GPC5: variants seen among roughly 807,000 people sequenced by gnomAD.
The protein encoded by GPC5 is glypican-5.
A neutral mutation model predicts 53.9 loss-of-function variants in GPC5; 47 were observed. The observed-to-expected ratio is 0.87, with a 90% confidence interval of 0.69 to 1.11. GPC5 has a LOEUF of 1.11. Ranked by LOEUF, GPC5 falls within the 50% of genes most tolerant of loss-of-function variation. The pLI, the probability that GPC5 is intolerant of heterozygous loss-of-function variation, is 0.00. For missense variants in GPC5, 748 were observed against 713.1 expected (o/e 1.05, Z -0.56); for synonymous variants, 286 against 263.3 (o/e 1.09, Z -0.84).
At chr13:92,023,293 G>C (rs967954114) in intron 6 of GPC5, among the ~76,000 whole-genome samples, 9 of 151,916 alleles carry the variant, frequency 5.9e-5, no homozygotes, top group African/African-American at 2.2e-4. Flanking sequence ...AAATCAAACA[G>C]AAGTTAAGCA....
intron 6 of GPC5, among the ~76,000 whole-genome samples, chr13:91,918,715 C>G (rs1252859123): frequency 6.6e-6 from 1 of 152,156 alleles, no homozygotes; most frequent in Non-Finnish European, 1.5e-5. Context: ...GCTTGTTTAA[C>G]AGCACTTATC....
intron 7 of GPC5, among the ~76,000 whole-genome samples, chr13:92,807,124 A>G (rs1877125906): frequency 6.6e-6 from 1 of 151,616 alleles, no homozygotes; most frequent in East Asian, 2.1e-4. Flanking sequence ...AGTGTTTAGC[A>G]TAATATCTGA....
chr13:92,843,073 CTG>C (rs1878485792), intron 7 of GPC5, among the ~76,000 whole-genome samples: 1 of 152,128 alleles, frequency 6.6e-6, no homozygotes, highest in Non-Finnish European at 1.5e-5. Context: ...GCAATAAAGA[CTG>C]TTAAATTATT....
At chr13:91,566,940 T>TTTC (rs2031560963) in intron 2 of GPC5, among the ~76,000 whole-genome samples, 1 of 151,838 alleles carries the variant, frequency 6.6e-6, no homozygotes, top group South Asian at 2.1e-4. Context: ...TCTTTTTTTT[T>TTTC]TTTTTTGAGA....
At chr13:92,199,802 G>C (rs755494325) in intron 7 of GPC5, among the ~76,000 whole-genome samples, 123 of 152,180 alleles carry the variant, frequency 8.1e-4, no homozygotes, top group Non-Finnish European at 1.7e-3. Flanking sequence ...GACACTGCCT[G>C]TATCAATTTA....
intron 2 of GPC5, among the ~76,000 whole-genome samples, chr13:91,473,845 T>G (rs1172754182): frequency 1.3e-5 from 2 of 152,190 alleles, no homozygotes; most frequent in Admixed American, 6.6e-5. Context: ...CCTCAAGCAC[T>G]CTAAGCTATC....
At chr13:92,064,476 G>A (rs1251499345) in intron 6 of GPC5, among the ~76,000 whole-genome samples, 2 of 152,070 alleles carry the variant, frequency 1.3e-5, no homozygotes, top group Non-Finnish European at 2.9e-5. Context: ...CCTCAGAGGC[G>A]GCCTGGCGCG....
chr13:91,791,197 C>A (rs1414600598), intron 5 of GPC5, among the ~76,000 whole-genome samples: 1 of 152,132 alleles, frequency 6.6e-6, no homozygotes, highest in East Asian at 1.9e-4. Context: ...ACTGGTGGAA[C>A]AAAGAGAAGA....
At chr13:91,620,765 G>A (rs1251385464) in intron 2 of GPC5, among the ~76,000 whole-genome samples, 2 of 152,084 alleles carry the variant, frequency 1.3e-5, no homozygotes, top group Non-Finnish European at 2.9e-5. Context: ...AGCTGATGCC[G>A]ATGAACTTGG....
intron 6 of GPC5, among the ~76,000 whole-genome samples, chr13:92,136,691 G>A (rs1052619387): frequency 1.3e-5 from 2 of 151,880 alleles, no homozygotes; most frequent in African/African-American, 4.8e-5. Flanking sequence ...ATATTCATCT[G>A]CTCTCATGTT....
chr13:92,550,429 C>T (rs1344452016), intron 7 of GPC5, among the ~76,000 whole-genome samples: 2 of 151,614 alleles, frequency 1.3e-5, no homozygotes, highest in African/African-American at 4.8e-5. Context: ...AATTTATGGC[C>T]TGTATGAAGT....
chr13:92,382,164 T>A (rs1379483040), intron 7 of GPC5, among the ~76,000 whole-genome samples: 2 of 151,528 alleles, frequency 1.3e-5, no homozygotes, highest in African/African-American at 4.9e-5. Context: ...GAAGCTAAGC[T>A]ATGAGGACGC....
At chr13:91,564,661 G>A (rs2031443714) in intron 2 of GPC5, among the ~76,000 whole-genome samples, 2 of 152,216 alleles carry the variant, frequency 1.3e-5, no homozygotes, top group South Asian at 4.1e-4. Flanking sequence ...CATCTTAATG[G>A]AATAGCAAAT....
At chr13:91,649,537 T>C (rs148779002) in intron 2 of GPC5, among the ~76,000 whole-genome samples, 108 of 152,342 alleles carry the variant, frequency 7.1e-4, no homozygotes, top group Non-Finnish European at 8.8e-4. Context: ...GCCATGAAAT[T>C]AATCAATTCT....
At chr13:91,625,216 TAA>T (rs67229570) in intron 2 of GPC5, among the ~76,000 whole-genome samples, 19 of 143,156 alleles carry the variant, frequency 1.3e-4, no homozygotes, top group African/African-American at 2.0e-4. Flanking sequence ...ACATGCAACA[TAA>T]AAAAAAAAAA....
intron 7 of GPC5, among the ~76,000 whole-genome samples, chr13:92,225,448 A>G (rs894675946): frequency 4.6e-5 from 7 of 152,192 alleles, no homozygotes; most frequent in African/African-American, 1.7e-4. Context: ...GTGACTTTGT[A>G]ATTTCCGTCT....
chr13:92,572,166 T>C (rs1389994977), intron 7 of GPC5, among the ~76,000 whole-genome samples: 1 of 152,254 alleles, frequency 6.6e-6, no homozygotes, highest in Non-Finnish European at 1.5e-5. Flanking sequence ...AGCATGTTCA[T>C]ATTTGAAAAT....
chr13:92,589,922 C>T, intron 7 of GPC5, among the ~76,000 whole-genome samples: 1 of 152,138 alleles, frequency 6.6e-6, no homozygotes, highest in East Asian at 1.9e-4. Context: ...TAGTTCACTG[C>T]TTGTTGTTCG....
At chr13:91,982,847 T>C (rs1036610393) in intron 6 of GPC5, among the ~76,000 whole-genome samples, 3 of 152,190 alleles carry the variant, frequency 2.0e-5, no homozygotes, top group African/African-American at 7.2e-5. Context: ...CTTTTCATTT[T>C]TTCAGCAACA....
Sources: allele counts gnomAD v4.1 joint callset (sites outside exome capture counted in the v4.1 genomes callset), GRCh38; gene constraint gnomAD v4.1.1; transcripts MANE v1.5; gene names NCBI Gene and HGNC (gene_info 2026-07-23, HGNC 2026-07-21).